The following FGF14 variants were observed in gnomAD, a reference collection of about 807,000 sequenced individuals.
The protein encoded by FGF14 is fibroblast growth factor 14.
A neutral mutation model predicts 25.5 loss-of-function variants in FGF14; 5 were observed. The ratio of observed to expected loss-of-function variants is 0.20; its 90% CI spans 0.10 to 0.41. The LOEUF is 0.41. Among genes scored for constraint, FGF14 ranks in the 10% least tolerant of loss-of-function variants. The probability of loss-of-function intolerance (pLI) is 1.00; values close to 1 mark genes in which losing one functional copy is unlikely to be tolerated. For missense variants in FGF14, 222 were observed against 320.1 expected (o/e 0.69, Z 2.34); for synonymous variants, 138 against 118.3 (o/e 1.17, Z -1.08).
chr13:102,169,291 G>T (rs9513989), intron 1 of FGF14, among the ~76,000 whole-genome samples: 51,839 of 151,672 alleles, frequency 0.34, 8,867 homozygotes, highest in Middle Eastern at 0.38. Flanking sequence ...ATTTCCACGC[G>T]GTTTCCAATT....
chr13:101,918,391 G>A (rs556316200), upstream of FGF14, among the ~76,000 whole-genome samples: 25 of 152,262 alleles, frequency 1.6e-4, no homozygotes, highest in African/African-American at 5.5e-4. Context: ...AGAAATGCTC[G>A]AACTAGACTT....
chr13:102,327,665 C>A (rs932465203), intron 1 of FGF14, among the ~76,000 whole-genome samples: 2 of 151,824 alleles, frequency 1.3e-5, no homozygotes, highest in African/African-American at 4.8e-5. Flanking sequence ...TGAGACCCTG[C>A]CTCTACAAAA....
Position 101,721,969 on chromosome 13 carries a change from T to A in FGF14, c.*862A>T, listed in dbSNP as rs556285749. The A allele has an allele frequency of 3.3e-5, 5 of 152,124 alleles. No individual in the cohort carries two copies. Among genetic ancestry groups the A allele is most frequent in the African/African-American group, 9.6e-5 (4 of 41,520 alleles). The allele number at this position is 152,124 out of a possible 1,614,324, so 9.4% of individuals were successfully genotyped here. On this transcript the variant is annotated 3_prime_UTR_variant, in exon 5 of 5. Transcript: ENST00000376143. Reference sequence around the variant, plus strand: ...CCACTTTCTCAAAAACCAGTGGGTCTTGCTCGCTGGGCAAGGCAAATGTTA... The same window carrying A: ...CCACTTTCTCAAAAACCAGTGGGTCATGCTCGCTGGGCAAGGCAAATGTTA...
chr13:102,015,006 C>G (rs1352224538), intron 1 of FGF14, among the ~76,000 whole-genome samples: 2 of 152,194 alleles, frequency 1.3e-5, no homozygotes, highest in East Asian at 3.9e-4. Flanking sequence ...CCGCTGAGTT[C>G]AAGCGGTTCT....
intron 1 of FGF14, among the ~76,000 whole-genome samples, chr13:102,067,786 A>G (rs969886091): frequency 3.9e-5 from 6 of 152,088 alleles, no homozygotes; most frequent in African/African-American, 1.4e-4. Context: ...AGAAAAAGTT[A>G]TCAATACTCA....
At chr13:101,907,690 C>T (rs1008510077) in intron 1 of FGF14, among the ~76,000 whole-genome samples, 6 of 152,176 alleles carry the variant, frequency 3.9e-5, no homozygotes, top group African/African-American at 1.4e-4. Context: ...GAGAGAAATG[C>T]ATAACCAAGA....
At chr13:102,011,360 A>G (rs1594980897) in intron 1 of FGF14, among the ~76,000 whole-genome samples, 1 of 152,238 alleles carries the variant, frequency 6.6e-6, no homozygotes, top group African/African-American at 2.4e-5. Flanking sequence ...GGAGAATAAG[A>G]CTTAAGTGTC....
chr13:102,003,651 T>C (rs2039623627), intron 1 of FGF14, among the ~76,000 whole-genome samples: 2 of 150,354 alleles, frequency 1.3e-5, no homozygotes. Flanking sequence ...TGTTTCTTTA[T>C]TGCAAGGGGT....
At chr13:102,301,826 T>TCACACACACA (rs3066038) in intron 1 of FGF14, among the ~76,000 whole-genome samples, 15,515 of 139,820 alleles carry the variant, frequency 0.11, 980 homozygotes, top group Admixed American at 0.17. Flanking sequence ...TTCCTGTACT[T>TCACACACACA]CACACACACA....
intron 1 of FGF14, among the ~76,000 whole-genome samples, chr13:102,058,456 AGGGGTTTTAC>A (rs1331633036): frequency 6.6e-6 from 1 of 152,216 alleles, no homozygotes; most frequent in African/African-American, 2.4e-5. Flanking sequence ...ACTTTCATCA[AGGGGTTTTAC>A]CTTAGCCCAT....
At chr13:101,900,896 T>C (rs561136988) in intron 1 of FGF14, among the ~76,000 whole-genome samples, 88 of 152,160 alleles carry the variant, frequency 5.8e-4, no homozygotes, top group African/African-American at 2.1e-3. Context: ...ATTTATGAAA[T>C]AGAATTAAAT....
chr13:102,354,529 T>C (rs1220154475), intron 1 of FGF14, among the ~76,000 whole-genome samples: 1 of 152,156 alleles, frequency 6.6e-6, no homozygotes, highest in Non-Finnish European at 1.5e-5. Flanking sequence ...CACATATTGA[T>C]TGATGTCTCA....
At chr13:102,111,931 C>T (rs2045249396) in intron 1 of FGF14, among the ~76,000 whole-genome samples, 2 of 152,046 alleles carry the variant, frequency 1.3e-5, no homozygotes, top group South Asian at 4.1e-4. Context: ...GAAATAGTTC[C>T]TATACTTTTT....
At chr13:101,906,148 G>A (rs185107526) in intron 1 of FGF14, among the ~76,000 whole-genome samples, 9 of 152,260 alleles carry the variant, frequency 5.9e-5, no homozygotes, top group Non-Finnish European at 1.0e-4. Flanking sequence ...CCACCCCAGA[G>A]AGAAGCAAGA....
At chr13:101,910,836 TCG>T (rs1491523913) in intron 1 of FGF14, among the ~76,000 whole-genome samples, 1 of 106,652 alleles carries the variant, frequency 9.4e-6, no homozygotes. Flanking sequence ...AGATTTGGAT[TCG>T]TGTGTGTGTG....
At chr13:101,780,643 A>G (rs895577354) in intron 3 of FGF14, among the ~76,000 whole-genome samples, 56 of 152,072 alleles carry the variant, frequency 3.7e-4, no homozygotes, top group African/African-American at 1.2e-3. Context: ...GGGGTGGTGC[A>G]CTTGACATGT....
At chr13:101,857,246 A>G (rs2044173912) in intron 3 of FGF14, among the ~76,000 whole-genome samples, 1 of 152,024 alleles carries the variant, frequency 6.6e-6, no homozygotes, top group Non-Finnish European at 1.5e-5. Context: ...ATGCCCAAAT[A>G]AAATACCTCC....
At chr13:102,017,832 C>A (rs1033035315) in intron 1 of FGF14, among the ~76,000 whole-genome samples, 2 of 152,000 alleles carry the variant, frequency 1.3e-5, no homozygotes, top group African/African-American at 2.4e-5. Context: ...GGACTGTATT[C>A]TTAGAGAATT....
At chr13:101,810,676 AT>A (rs1296908737) in intron 3 of FGF14, among the ~76,000 whole-genome samples, 7 of 152,214 alleles carry the variant, frequency 4.6e-5, no homozygotes, top group African/African-American at 1.4e-4. Context: ...CTGATAGGAC[AT>A]TTTTGACATC....
Sources: gnomAD v4.1 joint callset for allele counts (sites outside exome capture counted in the v4.1 genomes callset) on GRCh38, gnomAD v4.1.1 for gene constraint, MANE v1.5 for transcripts, NCBI Gene and HGNC (gene_info 2026-07-23, HGNC 2026-07-21) for gene names.